CLIC5: variants seen among roughly 807,000 people sequenced by gnomAD.
CLIC5 encodes chloride intracellular channel protein 5.
In CLIC5, 20 loss-of-function variants were observed where a neutral mutation model predicts 24.7. That is an observed-to-expected ratio of 0.81 (90% CI 0.57 to 1.18). CLIC5 has a LOEUF of 1.18. CLIC5 is among the 50% of genes most tolerant of loss of function. The pLI is 0.00. For missense variants in CLIC5, 341 were observed against 326.1 expected (o/e 1.05, Z -0.35); for synonymous variants, 159 against 135.6 (o/e 1.17, Z -1.20).
chr6:46,003,599 A>G (rs1014755802), intron 1 of CLIC5, among the ~76,000 whole-genome samples: 1 of 152,178 alleles, frequency 6.6e-6, no homozygotes, highest in African/African-American at 2.4e-5. Context: ...AATCTCTCCT[A>G]CATTTGAATG....
the CLIC5 span, among the ~76,000 whole-genome samples, chr6:46,086,191 G>A: frequency 0.16 from 24,386 of 152,226 alleles, 2,190 homozygotes; most frequent in South Asian, 0.33. Flanking sequence ...GACCCTTTGC[G>A]CTTCCTGAGT....
intron 1 of CLIC5, among the ~76,000 whole-genome samples, chr6:45,977,628 C>T (rs74742821): frequency 0.01 from 1,534 of 152,172 alleles, 74 homozygotes; most frequent in Admixed American, 0.071. Context: ...CCTTTCAAGA[C>T]CTCTTCCCCT....
intron 1 of CLIC5, among the ~76,000 whole-genome samples, chr6:45,995,067 A>G (rs527344778): frequency 1.3e-5 from 2 of 152,168 alleles, no homozygotes; most frequent in Non-Finnish European, 2.9e-5. Flanking sequence ...TTTAAAAAAA[A>G]CCTCAAGGTG....
the CLIC5 span, among the ~76,000 whole-genome samples, chr6:46,123,296 G>A: frequency 6.6e-6 from 1 of 152,172 alleles, no homozygotes; most frequent in South Asian, 2.1e-4. Flanking sequence ...ATCTATAAAC[G>A]TAATCCAGCA....
chr6:46,111,642 TAAC>T, the CLIC5 span, among the ~76,000 whole-genome samples: 1 of 152,186 alleles, frequency 6.6e-6, no homozygotes, highest in African/African-American at 2.4e-5. Context: ...CCTCTCTATC[TAAC>T]AACATTTAAC....
At chr6:45,881,365 A>G (rs1762261228) in intron 6 of CLIC5, among the ~76,000 whole-genome samples, 1 of 152,146 alleles carries the variant, frequency 6.6e-6, no homozygotes, top group Non-Finnish European at 1.5e-5. Context: ...GGAGAGGCTT[A>G]ACTGACAGAA....
At chr6:46,124,923 A>C in the CLIC5 span, among the ~76,000 whole-genome samples, 2 of 152,166 alleles carry the variant, frequency 1.3e-5, no homozygotes, top group African/African-American at 4.8e-5. Context: ...AAAGTCAGGA[A>C]ACAACAGGTA....
intron 6 of CLIC5, among the ~76,000 whole-genome samples, chr6:45,884,753 A>T (rs1481632822): frequency 2.6e-5 from 4 of 152,120 alleles, no homozygotes; most frequent in African/African-American, 9.7e-5. Flanking sequence ...GTGGATACCG[A>T]TGCCCAATAA....
At chr6:45,930,769 T>C (rs1318707434) in intron 4 of CLIC5, among the ~76,000 whole-genome samples, 1 of 152,210 alleles carries the variant, frequency 6.6e-6, no homozygotes, top group Non-Finnish European at 1.5e-5. Context: ...GTGCCTACTG[T>C]GTGCCAGGAA....
intron 1 of CLIC5, among the ~76,000 whole-genome samples, chr6:46,056,235 G>T (rs1047960320): frequency 9.2e-5 from 14 of 152,078 alleles, no homozygotes; most frequent in Admixed American, 4.6e-4. Flanking sequence ...GGTGTTTTTT[G>T]AGGGGTCTTC....
intron 1 of CLIC5, among the ~76,000 whole-genome samples, chr6:45,968,151 G>C (rs1442488050): frequency 2.0e-5 from 3 of 152,140 alleles, no homozygotes; most frequent in African/African-American, 4.8e-5. Flanking sequence ...CTCATCTTCT[G>C]GGGGTCTCTG....
At chr6:45,882,671 T>C (rs1762273484) in intron 6 of CLIC5, among the ~76,000 whole-genome samples, 1 of 152,248 alleles carries the variant, frequency 6.6e-6, no homozygotes, top group African/African-American at 2.4e-5. Context: ...AGAATGCTCC[T>C]TATAATTGAT....
intron 1 of CLIC5, among the ~76,000 whole-genome samples, chr6:46,079,524 T>C (rs1353519865): frequency 2.0e-5 from 3 of 152,234 alleles, no homozygotes; most frequent in African/African-American, 7.2e-5. Flanking sequence ...CCAATTCCTC[T>C]AATTTTGTGA....
chr6:46,124,192 G>C, the CLIC5 span, among the ~76,000 whole-genome samples: 11 of 152,114 alleles, frequency 7.2e-5, no homozygotes, highest in African/African-American at 2.4e-4. Context: ...AGACTACAAG[G>C]CTACAGTAAC....
chr6:46,091,959 T>C, the CLIC5 span, among the ~76,000 whole-genome samples: 10 of 152,334 alleles, frequency 6.6e-5, no homozygotes, highest in Non-Finnish European at 7.3e-5. Flanking sequence ...GCTGTACTAA[T>C]TGACATTCCT....
At chr6:46,105,870 G>T in the CLIC5 span, among the ~76,000 whole-genome samples, 1 of 152,182 alleles carries the variant, frequency 6.6e-6, no homozygotes, top group African/African-American at 2.4e-5. Context: ...GCAATAAATG[G>T]TTGTCACTAC....
At chr6:46,128,037 G>C in the CLIC5 span, among the ~76,000 whole-genome samples, 1 of 152,160 alleles carries the variant, frequency 6.6e-6, no homozygotes, top group Non-Finnish European at 1.5e-5. Flanking sequence ...CCTGAAGTCT[G>C]CCTTACCTCT....
intron 6 of CLIC5, among the ~76,000 whole-genome samples, chr6:45,893,077 G>A (rs1418256188): frequency 6.6e-6 from 1 of 151,972 alleles, no homozygotes; most frequent in Non-Finnish European, 1.5e-5. Flanking sequence ...TGTCTTTTTC[G>A]GATGTTGAAC....
chr6:46,088,194 T>TGTGTGTGTGA, the CLIC5 span, among the ~76,000 whole-genome samples: 7 of 151,278 alleles, frequency 4.6e-5, no homozygotes, highest in South Asian at 4.2e-4. Flanking sequence ...TGTGTGTGTG[T>TGTGTGTGTGA]GACACTGTAT....
Sources: gnomAD v4.1 joint callset for allele counts (sites outside exome capture counted in the v4.1 genomes callset) on GRCh38, gnomAD v4.1.1 for gene constraint, MANE v1.5 for transcripts, NCBI Gene and HGNC (gene_info 2026-07-23, HGNC 2026-07-21) for gene names.